CNBD1: variants seen among roughly 807,000 people sequenced by gnomAD.
The protein encoded by CNBD1 is cyclic nucleotide binding domain containing 1.
A neutral mutation model predicts 54.4 loss-of-function variants in CNBD1; 71 were observed. The ratio of observed to expected loss-of-function variants is 1.30; its 90% confidence interval spans 1.08 to 1.59. CNBD1 has a LOEUF of 1.59. CNBD1 is among the 40% of genes most tolerant of loss of function. CNBD1 has a pLI of 0.00. For synonymous variants in CNBD1, 182 were observed against 170.7 expected, an observed-to-expected ratio of 1.07 and a Z score of -0.51; for missense variants, 659 against 518.0, an observed-to-expected ratio of 1.27 and a Z score of -2.64.
chr8:87,301,966 T>A (rs1362093842), intron 8 of CNBD1, among the ~76,000 whole-genome samples: 1 of 152,094 alleles, frequency 6.6e-6, no homozygotes, highest in African/African-American at 2.4e-5. Flanking sequence ...AATAGACCAA[T>A]AACAGGCTCT....
At chr8:87,004,783 A>G (rs887949484) in intron 4 of CNBD1, among the ~76,000 whole-genome samples, 1 of 152,110 alleles carries the variant, frequency 6.6e-6, no homozygotes, top group African/African-American at 2.4e-5. Context: ...AATATAATGA[A>G]TTGTCTTACA....
intron 8 of CNBD1, among the ~76,000 whole-genome samples, chr8:87,348,757 T>C (rs777202073): frequency 6.6e-6 from 1 of 152,240 alleles, no homozygotes; most frequent in African/African-American, 2.4e-5. Context: ...CTGATGCTAA[T>C]AGCCAGTAGG....
At chr8:86,943,562 G>A (rs761097175) in intron 4 of CNBD1, among the ~76,000 whole-genome samples, 66 of 152,016 alleles carry the variant, frequency 4.3e-4, no homozygotes, top group Non-Finnish European at 4.0e-4. Flanking sequence ...AAAATCATTG[G>A]GAGAGGCATT....
At chr8:86,894,340 C>T (rs535377331) in intron 2 of CNBD1, among the ~76,000 whole-genome samples, 72 of 152,076 alleles carry the variant, frequency 4.7e-4, no homozygotes, top group Non-Finnish European at 9.0e-4. Context: ...GGATTACAGG[C>T]GTGAGCCACC....
intron 4 of CNBD1, among the ~76,000 whole-genome samples, chr8:87,068,935 G>A (rs1810707917): frequency 6.6e-6 from 1 of 151,960 alleles, no homozygotes; most frequent in Admixed American, 6.6e-5. Context: ...AGCACCTTTT[G>A]GTACTTCAGT....
intron 4 of CNBD1, among the ~76,000 whole-genome samples, chr8:87,013,781 T>C (rs535289856): frequency 6.6e-6 from 1 of 151,964 alleles, no homozygotes; most frequent in South Asian, 2.1e-4. Flanking sequence ...TCTATAATGT[T>C]ATGTTTAATT....
intron 4 of CNBD1, among the ~76,000 whole-genome samples, chr8:86,984,022 G>A (rs575529287): frequency 4.7e-4 from 71 of 152,280 alleles, no homozygotes; most frequent in African/African-American, 1.7e-3. Context: ...CCCATCACAG[G>A]CTCAGAGGAC....
chr8:87,298,436 C>T lies in CNBD1; in HGVS notation c.1042+11765C>T, dbSNP rs116798677. Among the ~76,000 whole-genome samples, 959 of 152,020 alleles carry T rather than the reference C, an allele frequency of 6.3e-3. 9 individuals carry two copies. Among genetic ancestry groups the T allele is most frequent in the African/African-American group, 0.022 (894 of 41,470 alleles). ...CACTACACCCTGACCCATTGAACAA[C>T]ATAAATGGATATTCCTTTAGCTTCA... On this transcript the variant is annotated intron_variant, in intron 8 of 10. Coordinates refer to ENST00000518476, the MANE Select transcript of CNBD1 (RefSeq NM_173538.3).
intron 8 of CNBD1, among the ~76,000 whole-genome samples, chr8:87,350,367 C>T (rs529223005): frequency 3.8e-4 from 58 of 151,994 alleles, no homozygotes; most frequent in Non-Finnish European, 7.4e-4. Flanking sequence ...GTAACTATTA[C>T]ATGAGGAGAA....
At chr8:86,899,494 A>G (rs1349033848) in intron 2 of CNBD1, among the ~76,000 whole-genome samples, 2 of 152,180 alleles carry the variant, frequency 1.3e-5, no homozygotes, top group Admixed American at 6.6e-5. Context: ...GTAATTTTCA[A>G]TTTGAGAATT....
downstream of CNBD1, among the ~76,000 whole-genome samples, chr8:87,386,327 G>A (rs1223769005): frequency 1.3e-5 from 2 of 152,050 alleles, no homozygotes; most frequent in East Asian, 3.9e-4. Flanking sequence ...GCTAAAGCAG[G>A]AAGTTCGAAC....
intron 6 of CNBD1, among the ~76,000 whole-genome samples, chr8:87,273,179 T>C (rs933567929): frequency 3.3e-5 from 5 of 152,002 alleles, no homozygotes; most frequent in Non-Finnish European, 7.4e-5. Flanking sequence ...GAACCAATAA[T>C]GTTTAGAAAA....
At chr8:87,204,185 A>T (rs1813922007) in intron 4 of CNBD1, among the ~76,000 whole-genome samples, 1 of 152,178 alleles carries the variant, frequency 6.6e-6, no homozygotes, top group South Asian at 2.1e-4. Context: ...AGTGGTACAG[A>T]TGCTTCAAAA....
chr8:87,140,406 A>G (rs1210642673), intron 4 of CNBD1, among the ~76,000 whole-genome samples: 1 of 152,196 alleles, frequency 6.6e-6, no homozygotes, highest in East Asian at 1.9e-4. Flanking sequence ...GTGACCTGAA[A>G]GAATTGATAC....
chr8:87,269,981 C>T (rs764993140), intron 6 of CNBD1, among the ~76,000 whole-genome samples: 1 of 151,910 alleles, frequency 6.6e-6, no homozygotes, highest in Non-Finnish European at 1.5e-5. Context: ...GCCAATATTT[C>T]TGATGAAATA....
chr8:87,168,018 C>A (rs1813001377), intron 4 of CNBD1, among the ~76,000 whole-genome samples: 2 of 151,924 alleles, frequency 1.3e-5, no homozygotes, highest in Admixed American at 1.3e-4. Context: ...ATTTATGTAT[C>A]TAAACATAGA....
intron 8 of CNBD1, among the ~76,000 whole-genome samples, chr8:87,309,096 G>C (rs1232079948): frequency 6.6e-6 from 1 of 151,876 alleles, no homozygotes; most frequent in Admixed American, 6.6e-5. Flanking sequence ...CGTTCTTTTG[G>C]GTAAGTAGTC....
At chr8:87,292,450 T>C (rs545411869) in intron 8 of CNBD1, among the ~76,000 whole-genome samples, 1 of 152,226 alleles carries the variant, frequency 6.6e-6, no homozygotes, top group Non-Finnish European at 1.5e-5. Flanking sequence ...ATTCTCAGTA[T>C]GCATGCGGCA....
chr8:87,132,174 T>A (rs1217432960), intron 4 of CNBD1, among the ~76,000 whole-genome samples: 2 of 151,892 alleles, frequency 1.3e-5, no homozygotes, highest in Non-Finnish European at 2.9e-5. Flanking sequence ...AATATTTGTT[T>A]CCATATTATA....
Sources: allele counts gnomAD v4.1 joint callset (sites outside exome capture counted in the v4.1 genomes callset), GRCh38; gene constraint gnomAD v4.1.1; transcripts MANE v1.5; gene names NCBI Gene and HGNC (gene_info 2026-07-23, HGNC 2026-07-21).